PIGZ: variants seen among roughly 807,000 people sequenced by gnomAD.
PIGZ encodes the protein phosphatidylinositol glycan anchor biosynthesis class Z (Gwada blood group).
In PIGZ, 16 loss-of-function variants were observed where a neutral mutation model predicts 16.4. The observed-to-expected ratio is 0.97, with a 90% confidence interval of 0.66 to 1.48. The LOEUF is 1.48. Among genes scored for constraint, PIGZ ranks in the 40% most tolerant of loss-of-function variants. The probability of loss-of-function intolerance (pLI) is 0.00; values close to 1 mark genes in which losing one functional copy is unlikely to be tolerated. For missense variants in PIGZ, 770 were observed against 739.2 expected (o/e 1.04, Z -0.48); for synonymous variants, 409 against 338.4 (o/e 1.21, Z -2.29).
intron 2 of PIGZ, among the ~76,000 whole-genome samples, chr3:196,951,269 T>A (rs1717270297): frequency 6.6e-6 from 1 of 152,084 alleles, no homozygotes; most frequent in Non-Finnish European, 1.5e-5. Context: ...CAAGCAGCCG[T>A]CTTGAACTAT....
At chr3:196,966,459 G>A (rs773123868) in intron 1 of PIGZ, among the ~76,000 whole-genome samples, 1 of 152,278 alleles carries the variant, frequency 6.6e-6, no homozygotes, top group South Asian at 2.1e-4. Context: ...CTCTGCAGGC[G>A]CCATGCGCTG....
rs138471873 is a variant in PIGZ at position 196,951,966 on chromosome 3, C to A, written c.66G>T (p.Pro22=). The change falls in exon 2 of 3, where the codon CCG becomes CCT. Residue 22 remains proline (P), a synonymous_variant. Transcript: ENST00000412723. ...TCAGATCCAGTTGTTGCCAACACAC[C>A]GGGCCCAAAACCTGGAATGATGTCC... ...AAGTSFQVLG[P]VCWQQLDLKM... is the part of the protein sequence containing the mutation. 2 of 1,614,182 alleles carry A rather than the reference C, an allele frequency of 1.2e-6. No homozygotes were observed. Among genetic ancestry groups the A allele is most frequent in the South Asian group, 2.2e-5 (2 of 91,082 alleles).
rs1223226779 is a variant in PIGZ at position 196,947,316 on chromosome 3, G to A, written c.1581C>T (p.Thr527=). ...CRLFVVTPGT[T]RRAVEKCSFP... is the part of the protein sequence containing the mutation. ...AGCTGCACTTCTCCACGGCACGCCTGGTGGTGCCAGGGGTTACCACAAAGA... is the reference window on the plus strand; with the variant it reads ...AGCTGCACTTCTCCACGGCACGCCTAGTGGTGCCAGGGGTTACCACAAAGA... The change falls in exon 3 of 3, where the codon ACC becomes ACT. Residue 527 remains threonine, a synonymous_variant. Coordinates refer to ENST00000412723, the MANE Select transcript of PIGZ (RefSeq NM_025163.4). 3 of 1,614,064 alleles carry A rather than the reference G, an allele frequency of 1.9e-6. No homozygotes were observed. Among genetic ancestry groups the A allele is most frequent in the Admixed American group, 1.7e-5 (1 of 60,008 alleles).
intron 1 of PIGZ, among the ~76,000 whole-genome samples, chr3:196,963,611 C>G (rs949422557): frequency 6.6e-6 from 1 of 152,242 alleles, no homozygotes; most frequent in African/African-American, 2.4e-5. Flanking sequence ...TCAAATACAC[C>G]TTCCCAAACC....
At position 196,947,981 on chromosome 3, in the gene PIGZ, G is replaced by C. The variant is rs1716991385; in HGVS notation, c.916C>G (p.Leu306Val). Reference sequence around the variant, plus strand: ...CGCGCGTGCGTGCCATGTCTCGCCAGGTTTTGGGGATTCAGGTTGTAGTGC... The same window carrying C: ...CGCGCGTGCGTGCCATGTCTCGCCACGTTTTGGGGATTCAGGTTGTAGTGC... ...FLHYNLNPQN[L>V]ARHGTHARLT... Residue 306 changes from leucine (L) to valine (V), a missense_variant, in exon 3 of 3, where the codon CTG becomes GTG. Leu to Val is a conservative substitution (Grantham distance 32). Coordinates refer to ENST00000412723, the MANE Select transcript of PIGZ (RefSeq NM_025163.4). 6.2e-7 allele frequency: 1 copy of C among 1,607,140 alleles called. No homozygotes were observed. Among genetic ancestry groups the C allele is most frequent in the Non-Finnish European group, 8.5e-7 (1 of 1,175,614 alleles).
chr3:196,956,656 C>G (rs149368962), intron 1 of PIGZ, among the ~76,000 whole-genome samples: 101 of 152,330 alleles, frequency 6.6e-4, no homozygotes, highest in African/African-American at 2.3e-3. Context: ...TTTTCCATAT[C>G]TTTAGCTCTC....
intron 2 of PIGZ, among the ~76,000 whole-genome samples, chr3:196,948,945 TC>T (rs1370526945): frequency 1.5e-4 from 3 of 20,536 alleles, no homozygotes; most frequent in African/African-American, 5.4e-4. Flanking sequence ...TTCCCTTCCT[TC>T]CCCTCCCCTC....
intron 1 of PIGZ, among the ~76,000 whole-genome samples, chr3:196,962,628 T>G (rs917830975): frequency 6.6e-6 from 1 of 150,944 alleles, no homozygotes; most frequent in African/African-American, 2.4e-5. Context: ...TGGCTGGAGG[T>G]GAGACATGCT....
rs766456209 is a variant in PIGZ, at chr3:196,951,947, C to T, written c.85G>A (p.Asp29Asn). Reference sequence around the variant, plus strand: ...AGCACCCTGACTGCCATCTTCAGATCCAGTTGTTGCCAACACACCGGGCCC... The same window carrying T: ...AGCACCCTGACTGCCATCTTCAGATTCAGTTGTTGCCAACACACCGGGCCC... ...VLGPVCWQQL[D>N]LKMAVRVLWG... Residue 29 changes from aspartate (D) to asparagine (N), a missense_variant, in exon 2 of 3, where the codon GAT becomes AAT. Physicochemically the swap from Asp to Asn is conservative, Grantham distance 23. Transcript: ENST00000412723. 9.3e-6 allele frequency: 15 copies of T among 1,614,100 alleles called. No homozygotes were observed. Among genetic ancestry groups the T allele is most frequent in the Non-Finnish European group, 1.2e-5 (14 of 1,180,056 alleles).
rs369175760 is a variant in PIGZ at position 196,947,729 on chromosome 3, G to C, written c.1168C>G (p.Arg390Gly). The change falls in exon 3 of 3, where the codon CGG (arginine) becomes GGG (glycine). Residue 390 changes from arginine (R) to glycine (G), a missense_variant. Transcript: ENST00000412723. ...LLSAFSHQEA[R>G]FLIPLLVPLV... is the part of the protein sequence containing the mutation. ...GGGACCAGGAGGGGAATCAGGAACC[G>C]AGCCTCCTGGTGGCTAAAGGCAGAT... 3.1e-6 allele frequency: 5 copies of C among 1,613,014 alleles called. No homozygotes were observed. Among genetic ancestry groups the C allele is most frequent in the Non-Finnish European group, 4.2e-6 (5 of 1,179,502 alleles).
At position 196,947,075 on chromosome 3, in the gene PIGZ, G is replaced by T. The variant is rs548129181; in HGVS notation, c.*82C>A. The stretch of plus-strand genomic sequence containing the variant: ...AAGGAGGACGGGGTCCTGTCCCAGC[G>T]TCCCAGCCCAGCTACCCAAGTAGAA... On this transcript the variant is annotated 3_prime_UTR_variant, in exon 3 of 3. Coordinates refer to ENST00000412723, the MANE Select transcript of PIGZ (RefSeq NM_025163.4). 14 of 1,317,070 alleles carry T rather than the reference G, an allele frequency of 1.1e-5. No homozygotes were observed. The highest frequency in any genetic ancestry group is 4.7e-5 in the Admixed American group (2 of 42,324). The allele number at this position is 1,317,070 out of a possible 1,614,324, so 81.6% of individuals were successfully genotyped here.
At chr3:196,950,744 C>CTTTTTTTTTTTTTTT (rs35150164) in intron 2 of PIGZ, among the ~76,000 whole-genome samples, 3 of 145,604 alleles carry the variant, frequency 2.1e-5, no homozygotes, top group Admixed American at 7.0e-5. Context: ...CTTCATTAGA[C>CTTTTTTTTTTTTTTT]TTTTTTTTTT....
At chr3:196,955,113 A>G (rs1376976479) in intron 1 of PIGZ, among the ~76,000 whole-genome samples, 2 of 152,110 alleles carry the variant, frequency 1.3e-5, no homozygotes, top group Admixed American at 6.6e-5. Context: ...TTTTGTAGAG[A>G]CAAAGTCTTG....
intron 2 of PIGZ, among the ~76,000 whole-genome samples, chr3:196,950,755 C>T (rs9860657): frequency 0.35 from 51,007 of 146,750 alleles, 9,793 homozygotes; most frequent in East Asian, 0.83. Context: ...TTTTTTTTTT[C>T]TTTTTTTGAG....
chr3:196,951,963 C>T lies in PIGZ; in HGVS notation c.69G>A (p.Val23=). 1.2e-6 allele frequency: 2 copies of T among 1,614,230 alleles called. No individual in the cohort carries two copies. Among genetic ancestry groups the T allele is most frequent in the Non-Finnish European group, 1.7e-6 (2 of 1,180,050 alleles). ...TCTTCAGATCCAGTTGTTGCCAACA[C>T]ACCGGGCCCAAAACCTGGAATGATG... ...AGTSFQVLGP[V]CWQQLDLKMA... is the part of the protein sequence containing the mutation. Residue 23 remains valine, a synonymous_variant, in exon 2 of 3, where the codon GTG becomes GTA. Coordinates refer to ENST00000412723, the MANE Select transcript of PIGZ (RefSeq NM_025163.4).
At chr3:196,955,312 G>A (rs1023509575) in intron 1 of PIGZ, among the ~76,000 whole-genome samples, 1 of 152,140 alleles carries the variant, frequency 6.6e-6, no homozygotes, top group Non-Finnish European at 1.5e-5. Context: ...TCATGAAATA[G>A]TTGACTTGTC....
At chr3:196,950,890 G>A (rs562413288) in intron 2 of PIGZ, among the ~76,000 whole-genome samples, 7 of 152,162 alleles carry the variant, frequency 4.6e-5, no homozygotes, top group Non-Finnish European at 8.8e-5. Context: ...GATTACAGGC[G>A]CCTGCCACCA....
Position 196,951,914 on chromosome 3 carries a change from C to G in PIGZ, c.118G>C (p.Gly40Arg). ...LKMAVRVLWG[G>R]LSLLRVLWCL... is the part of the protein sequence containing the mutation. ...CACAGCACTCGGAGCAGGCTGAGACCACCCCAAAGCACCCTGACTGCCATC... is the reference window on the plus strand; with the variant it reads ...CACAGCACTCGGAGCAGGCTGAGACGACCCCAAAGCACCCTGACTGCCATC... Residue 40 changes from glycine (G) to arginine (R), a missense_variant, in exon 2 of 3, where the codon GGT (glycine) becomes CGT (arginine). Physicochemically the swap from Gly to Arg is moderately radical, Grantham distance 125. Transcript: ENST00000412723. 6.2e-7 allele frequency: 1 copy of G among 1,614,184 alleles called. No individual in the cohort carries two copies.
At chr3:196,950,755 CT>C (rs1352529904) in intron 2 of PIGZ, among the ~76,000 whole-genome samples, 2 of 147,734 alleles carry the variant, frequency 1.4e-5, no homozygotes, top group Non-Finnish European at 3.0e-5. Flanking sequence ...TTTTTTTTTT[CT>C]TTTTTTGAGA....
Sources: allele counts gnomAD v4.1 joint callset (sites outside exome capture counted in the v4.1 genomes callset), GRCh38; gene constraint gnomAD v4.1.1; transcripts MANE v1.5; gene names NCBI Gene and HGNC (gene_info 2026-07-23, HGNC 2026-07-21).